PDE4D: variants seen among roughly 807,000 people sequenced by gnomAD.
PDE4D encodes the protein phosphodiesterase 4D, also known as 3',5'-cyclic-AMP phosphodiesterase 4D.
PDE4D carries 24 observed loss-of-function variants against 87.4 expected under a neutral mutation model. The ratio of observed to expected loss-of-function variants is 0.27; its 90% confidence interval spans 0.20 to 0.39. The LOEUF (loss-of-function observed/expected upper bound fraction) is 0.39. Among genes scored for constraint, PDE4D ranks in the 10% least tolerant of loss-of-function variants. PDE4D has a pLI of 1.00. For synonymous variants in PDE4D, 384 were observed against 383.2 expected (o/e 1.00, Z -0.02); for missense variants, 714 against 1,041.0 (o/e 0.69, Z 4.32).
At chr5:59,414,435 A>C (rs1793243336) in intron 1 of PDE4D, among the ~76,000 whole-genome samples, 1 of 152,212 alleles carries the variant, frequency 6.6e-6, no homozygotes, top group African/African-American at 2.4e-5. Flanking sequence ...ATTTGGGCAG[A>C]TCAAGAAGAA....
chr5:59,533,115 A>G (rs907646381), intron 1 of PDE4D, among the ~76,000 whole-genome samples: 2 of 152,190 alleles, frequency 1.3e-5, no homozygotes, highest in East Asian at 1.9e-4. Context: ...TCTTCATATA[A>G]CTTAAGTTTA....
intron 2 of PDE4D, among the ~76,000 whole-genome samples, chr5:60,047,515 AT>A (rs1769439890): frequency 6.6e-6 from 1 of 152,092 alleles, no homozygotes; most frequent in South Asian, 2.1e-4. Flanking sequence ...AGTGCTATAA[AT>A]TTCCCTCTAC....
chr5:59,226,994 T>C (rs1464534336), intron 1 of PDE4D, among the ~76,000 whole-genome samples: 1 of 151,844 alleles, frequency 6.6e-6, no homozygotes, highest in Non-Finnish European at 1.5e-5. Context: ...TAACTAAGAG[T>C]ATGGAGGGAA....
chr5:59,859,751 T>C (rs1167634414), intron 1 of PDE4D, among the ~76,000 whole-genome samples: 1 of 152,120 alleles, frequency 6.6e-6, no homozygotes, highest in Admixed American at 6.5e-5. Context: ...TCTACACAAG[T>C]GAGGCACTCA....
chr5:59,629,378 C>G (rs141923273), intron 1 of PDE4D, among the ~76,000 whole-genome samples: 21 of 151,790 alleles, frequency 1.4e-4, no homozygotes, highest in Non-Finnish European at 2.6e-4. Flanking sequence ...GACTGGTGTC[C>G]TTGTAATAAA....
intron 1 of PDE4D, among the ~76,000 whole-genome samples, chr5:59,382,887 T>C (rs891007090): frequency 2.0e-5 from 3 of 152,210 alleles, no homozygotes; most frequent in Non-Finnish European, 4.4e-5. Flanking sequence ...TCAATTATTC[T>C]AAGCATTGAA....
intron 1 of PDE4D, among the ~76,000 whole-genome samples, chr5:59,221,757 A>G (rs1338685585): frequency 6.6e-6 from 1 of 152,142 alleles, no homozygotes; most frequent in Non-Finnish European, 1.5e-5. Flanking sequence ...GGGTTTCTTT[A>G]TAGCATTTGA....
intron 1 of PDE4D, among the ~76,000 whole-genome samples, chr5:59,392,827 A>T (rs1486428233): frequency 6.6e-6 from 1 of 152,132 alleles, no homozygotes; most frequent in Non-Finnish European, 1.5e-5. Context: ...TGACAGGATC[A>T]AATGAAGACT....
At chr5:59,757,397 G>A (rs888268563) in intron 1 of PDE4D, among the ~76,000 whole-genome samples, 5 of 152,082 alleles carry the variant, frequency 3.3e-5, no homozygotes, top group African/African-American at 1.2e-4. Flanking sequence ...CACTATTTCT[G>A]AGAAGAAAGA....
At chr5:60,104,169 T>C (rs1776569583) in intron 2 of PDE4D, among the ~76,000 whole-genome samples, 1 of 152,164 alleles carries the variant, frequency 6.6e-6, no homozygotes, top group Non-Finnish European at 1.5e-5. Flanking sequence ...ATACTGCGCT[T>C]TTCCCACGGG....
chr5:59,771,662 A>G (rs1018118310), intron 1 of PDE4D, among the ~76,000 whole-genome samples: 1 of 152,184 alleles, frequency 6.6e-6, no homozygotes, highest in Non-Finnish European at 1.5e-5. Context: ...AGAGTAAACT[A>G]TTTACATGCT....
chr5:59,939,362 C>A (rs974021089), intron 3 of PDE4D, among the ~76,000 whole-genome samples: 2 of 152,140 alleles, frequency 1.3e-5, no homozygotes, highest in African/African-American at 4.8e-5. Context: ...TTTATCAGAG[C>A]ACCTACTGTG....
intron 1 of PDE4D, among the ~76,000 whole-genome samples, chr5:59,591,814 A>G (rs1411474476): frequency 6.6e-6 from 1 of 152,134 alleles, no homozygotes; most frequent in Non-Finnish European, 1.5e-5. Flanking sequence ...AGCACATTCT[A>G]TATACTATTA....
chr5:59,386,794 A>G (rs1206849365), intron 1 of PDE4D, among the ~76,000 whole-genome samples: 1 of 152,134 alleles, frequency 6.6e-6, no homozygotes, highest in African/African-American at 2.4e-5. Flanking sequence ...TAAGTTTTAT[A>G]CTAATCACAG....
At chr5:59,161,530 A>G (rs10472095) in intron 5 of PDE4D, among the ~76,000 whole-genome samples, 36,213 of 152,084 alleles carry the variant, frequency 0.24, 4,581 homozygotes, top group African/African-American at 0.29. Flanking sequence ...GGCTTCCAAG[A>G]AAAGAGATCC....
At chr5:59,370,393 C>A (rs1783761205) in intron 1 of PDE4D, among the ~76,000 whole-genome samples, 1 of 152,166 alleles carries the variant, frequency 6.6e-6, no homozygotes, top group African/African-American at 2.4e-5. Flanking sequence ...CAACTTCTTC[C>A]TGTTCCTTAA....
chr5:59,337,780 ATGTCACGT>A (rs1777984510), intron 1 of PDE4D, among the ~76,000 whole-genome samples: 1 of 152,154 alleles, frequency 6.6e-6, no homozygotes, highest in South Asian at 2.1e-4. Context: ...TGATTTCACA[ATGTCACGT>A]TGTTTTTGCC....
chr5:60,418,723 G>A (rs183414254), intron 1 of PDE4D, among the ~76,000 whole-genome samples: 1 of 152,086 alleles, frequency 6.6e-6, no homozygotes, highest in East Asian at 1.9e-4. Context: ...TTTATCACTT[G>A]TGTTACAAAC....
chr5:59,735,283 G>T (rs562930982), intron 1 of PDE4D, among the ~76,000 whole-genome samples: 21 of 152,274 alleles, frequency 1.4e-4, no homozygotes, highest in Non-Finnish European at 2.9e-5. Context: ...GTATATAAAG[G>T]AATGATTACT....
Sources: gnomAD v4.1 joint callset for allele counts (sites outside exome capture counted in the v4.1 genomes callset) on GRCh38, gnomAD v4.1.1 for gene constraint, MANE v1.5 for transcripts, NCBI Gene and HGNC (gene_info 2026-07-23, HGNC 2026-07-21) for gene names.